The following TRAPPC2 variants were observed in gnomAD, a reference collection of about 807,000 sequenced individuals.
TRAPPC2 encodes the protein sedlin.
TRAPPC2 carries 4 observed loss-of-function variants against 10.0 expected under a neutral mutation model. That is an observed-to-expected ratio of 0.40 (90% CI 0.20 to 0.92). The LOEUF (loss-of-function observed/expected upper bound fraction) is 0.92, where lower values mean the gene tolerates loss of function less well. TRAPPC2 is among the 40% of genes least tolerant of loss of function. The pLI is 0.35. For missense variants in TRAPPC2, 52 were observed against 108.7 expected (o/e 0.48, Z 2.32); for synonymous variants, 36 against 37.3 (o/e 0.97, Z 0.12).
At chrX:13,717,696 G>C (rs1326942712) in intron 3 of TRAPPC2, among the ~76,000 whole-genome samples, 2 of 111,260 alleles carry the variant, frequency 1.8e-5, no homozygotes, top group Admixed American at 1.9e-4. Context: ...CCGAGATCAC[G>C]CCATTGCACT....
chrX:13,729,475 C>A (rs1319118333), intron 2 of TRAPPC2, among the ~76,000 whole-genome samples: 10 of 112,023 alleles, frequency 8.9e-5, no homozygotes, highest in African/African-American at 3.3e-4. Flanking sequence ...CTTTGACAAA[C>A]CTGACAAAAA....
chrX:13,734,109 G>C lies in TRAPPC2; in HGVS notation c.-85C>G. 1.9e-6 allele frequency: 1 copy of C among 513,510 alleles called. No individual in the cohort carries two copies. The highest frequency in any genetic ancestry group is 3.5e-6 in the Non-Finnish European group (1 of 286,292). 42.3% of individuals were successfully genotyped at this position (513,510 alleles called of 1,213,427 possible). On this transcript the variant is annotated 5_prime_UTR_variant, in exon 2 of 6. Coordinates refer to ENST00000380579, the MANE Select transcript of TRAPPC2 (RefSeq NM_001011658.4). ...TTAGCTCTGTGGATCTCAACCCGGA[G>C]CGATCTTGCTTCCAAGAGGACATCT... is the stretch of plus-strand genomic sequence containing the variant.
At position 13,714,339 on chromosome X, in the gene TRAPPC2, C is replaced by T. The variant is rs1036843078; in HGVS notation, c.*68G>A. On this transcript the variant is annotated 3_prime_UTR_variant, in exon 6 of 6. Transcript: ENST00000380579. ...TTTTCCAGGCTATTTAATCAAGTAA[C>T]TTACAATGTACACATTCCTGAGTAT... 2.2e-5 allele frequency: 15 copies of T among 681,295 alleles called. No homozygotes were observed. The highest frequency in any genetic ancestry group is 3.8e-5 in the Admixed American group (1 of 25,987). The allele number at this position is 681,295 out of a possible 1,213,427, so 56.1% of individuals were successfully genotyped here.
chrX:13,715,900 G>C (rs2046276539), intron 5 of TRAPPC2, 104 bp downstream of exon 5: 7 of 1,063,264 alleles, frequency 6.6e-6, no homozygotes, highest in Non-Finnish European at 8.6e-6. Context: ...AAGCTAGTCT[G>C]AAAGGTAAAC....
intron 2 of TRAPPC2, chrX:13,722,167 G>A (rs1035671985): frequency 1.1e-5 from 1 of 91,333 alleles, no homozygotes. Context: ...AGTTTGCCAA[G>A]GGAAGGGCTT....
intron 3 of TRAPPC2, among the ~76,000 whole-genome samples, chrX:13,718,568 G>C (rs1006879193): frequency 1.8e-5 from 2 of 112,236 alleles, no homozygotes; most frequent in African/African-American, 3.2e-5. Context: ...AGCAGTACTG[G>C]TACAGAGATA....
At chrX:13,715,290 T>C (rs2046267454) in intron 5 of TRAPPC2, among the ~76,000 whole-genome samples, 1 of 112,681 alleles carries the variant, frequency 8.9e-6, no homozygotes. Context: ...CTGGCCAACA[T>C]GGCAAAACCT....
intron 3 of TRAPPC2, among the ~76,000 whole-genome samples, chrX:13,717,015 T>TA (rs1176588777): frequency 9.9e-5 from 3 of 30,235 alleles, no homozygotes; most frequent in African/African-American, 1.3e-4. Flanking sequence ...TCTAAACATG[T>TA]AAAAAAAGGA....
chrX:13,734,495 G>GC (rs1174202989), intron 1 of TRAPPC2, 30 bp downstream of exon 1: 3 of 218,463 alleles, frequency 1.4e-5, no homozygotes, highest in Non-Finnish European at 1.6e-5. Flanking sequence ...CAAAACACCC[G>GC]CCCCCCGCCG....
At chrX:13,725,681 A>C (rs751884784) in intron 2 of TRAPPC2, among the ~76,000 whole-genome samples, 12 of 112,625 alleles carry the variant, frequency 1.1e-4, no homozygotes, top group African/African-American at 3.2e-4. Flanking sequence ...AAAATTCTAA[A>C]AATGAGAGTG....
In TRAPPC2 at chrX:13,713,119, AC is replaced by A. The variant is rs1344670547; in HGVS notation, c.*1287del. 3.3e-5 allele frequency: 3 copies of A among 90,462 alleles called. No individual in the cohort carries two copies. The highest frequency in any genetic ancestry group is 1.4e-4 in the Admixed American group (1 of 7,337). The allele number at this position is 90,462 out of a possible 1,213,427, so 7.5% of individuals were successfully genotyped here. On this transcript the variant is annotated 3_prime_UTR_variant, in exon 6 of 6. Coordinates refer to ENST00000380579, the MANE Select transcript of TRAPPC2 (RefSeq NM_001011658.4). ...ACTCCATCTCAAAAAAAAAAAAAAA[AC>A]CCCAAAGATCAACCTATCTGAATTG...
At position 13,734,565 on chromosome X, in the gene TRAPPC2, C is replaced by A; in HGVS notation, c.-202G>T. 1 of 474,936 alleles carries A rather than the reference C, an allele frequency of 2.1e-6. No individual in the cohort carries two copies. Among genetic ancestry groups the A allele is most frequent in the Non-Finnish European group, 2.8e-6 (1 of 358,434 alleles). The allele number at this position is 474,936 out of a possible 1,213,427, so 39.1% of individuals were successfully genotyped here. On this transcript the variant is annotated 5_prime_UTR_variant, in exon 1 of 6. Transcript: ENST00000380579. Reference sequence around the variant, plus strand: ...GACAACGGAAACGCAATGTCAGTTTCCGCGGAAGAGACCCGCGCCCCGAAC... The same window carrying A: ...GACAACGGAAACGCAATGTCAGTTTACGCGGAAGAGACCCGCGCCCCGAAC...
In TRAPPC2 at chrX:13,716,538, C is replaced by T. The variant is rs774336536; in HGVS notation, c.234G>A (p.Ala78=). ...TTACTAAGAAGGTAAGGATATGCCC[C>T]GCAGTGACAAATGCCGACACAAACC... ...NEWFVSAFVT[A]GHMRFIMLHD... The change falls in exon 4 of 6, where the codon GCG becomes GCA. Residue 78 remains alanine, a synonymous_variant. Transcript: ENST00000380579. 31 of 1,209,936 alleles carry T rather than the reference C, an allele frequency of 2.6e-5. No individual in the cohort carries two copies. The Admixed American group carries it at 4.6e-4, about 18-fold the overall frequency.
intron 2 of TRAPPC2, among the ~76,000 whole-genome samples, chrX:13,727,957 G>T (rs931857895): frequency 1.8e-5 from 2 of 111,938 alleles, no homozygotes; most frequent in Non-Finnish European, 3.8e-5. Flanking sequence ...TACCATCAGA[G>T]AATACTATAA....
In TRAPPC2 at chrX:13,713,488, C is replaced by T. The variant is rs1211652883; in HGVS notation, c.*919G>A. On this transcript the variant is annotated 3_prime_UTR_variant, in exon 6 of 6. Coordinates refer to ENST00000380579, the MANE Select transcript of TRAPPC2 (RefSeq NM_001011658.4). ...AACAAAAAACAAAAACAAAAACCCA[C>T]AAAAAACCAAAAAGCTTATTCCCAA... The T allele has an allele frequency of 9.8e-6, 1 of 102,296 alleles. No homozygotes were observed. Among genetic ancestry groups the T allele is most frequent in the African/African-American group, 3.6e-5 (1 of 27,559 alleles). The allele number at this position is 102,296 out of a possible 1,213,427, so 8.4% of individuals were successfully genotyped here. A position where few individuals can be genotyped will look rare whatever the true frequency, so the allele number is the denominator to read the frequency against.
At chrX:13,717,382 T>C (rs2046318982) in intron 3 of TRAPPC2, among the ~76,000 whole-genome samples, 1 of 112,262 alleles carries the variant, frequency 8.9e-6, no homozygotes, top group Non-Finnish European at 1.9e-5. Context: ...TGGGACTGTC[T>C]GACCATAATG....
chrX:13,719,538 A>G (rs1241636052), intron 3 of TRAPPC2, among the ~76,000 whole-genome samples: 1 of 112,049 alleles, frequency 8.9e-6, no homozygotes, highest in Non-Finnish European at 1.9e-5. Flanking sequence ...AACATGATTC[A>G]TGAAAACAGC....
intron 3 of TRAPPC2, among the ~76,000 whole-genome samples, chrX:13,719,355 C>G (rs951639772): frequency 9.0e-6 from 1 of 110,717 alleles, no homozygotes; most frequent in African/African-American, 3.3e-5. Context: ...ACCTCTGGTG[C>G]TGCTTTTGAG....
At chrX:13,733,743 C>T (rs779076930) in intron 2 of TRAPPC2, among the ~76,000 whole-genome samples, 17 of 110,681 alleles carry the variant, frequency 1.5e-4, no homozygotes, top group South Asian at 3.8e-4. Flanking sequence ...CCAAGAAGGT[C>T]GTGGCTTTTT....
Sources: gnomAD v4.1 joint callset for allele counts (sites outside exome capture counted in the v4.1 genomes callset) on GRCh38, gnomAD v4.1.1 for gene constraint, MANE v1.5 for transcripts, NCBI Gene and HGNC (gene_info 2026-07-23, HGNC 2026-07-21) for gene names.